MGMT: variants seen among roughly 807,000 people sequenced by gnomAD.
MGMT encodes O-6-methylguanine-DNA methyltransferase.
A neutral mutation model predicts 15.9 loss-of-function variants in MGMT; 14 were observed. The observed-to-expected ratio is 0.88, with a 90% CI of 0.58 to 1.37. MGMT has a LOEUF of 1.37. Among genes scored for constraint, MGMT ranks in the 40% most tolerant of loss-of-function variants. The pLI is 0.00. For synonymous variants in MGMT, 130 were observed against 118.2 expected (o/e 1.10, Z -0.65); for missense variants, 282 against 268.1 (o/e 1.05, Z -0.36).
intron 2 of MGMT, among the ~76,000 whole-genome samples, chr10:129,562,157 A>T (rs1401839412): frequency 6.6e-6 from 1 of 152,204 alleles, no homozygotes; most frequent in Non-Finnish European, 1.5e-5. Flanking sequence ...AAAAAATTAT[A>T]TACCATTCAT....
chr10:129,667,425 G>T (rs1322180865), intron 2 of MGMT, among the ~76,000 whole-genome samples: 1 of 152,062 alleles, frequency 6.6e-6, no homozygotes, highest in Non-Finnish European at 1.5e-5. Context: ...TTATGTTTGG[G>T]AGACGCACCC....
At chr10:129,654,144 C>A (rs1481798205) in intron 2 of MGMT, among the ~76,000 whole-genome samples, 1 of 152,180 alleles carries the variant, frequency 6.6e-6, no homozygotes, top group Non-Finnish European at 1.5e-5. Flanking sequence ...GCTGGAGTAG[C>A]TGTGCTGATA....
chr10:129,751,835 G>A (rs759014596), intron 3 of MGMT, among the ~76,000 whole-genome samples: 2 of 151,794 alleles, frequency 1.3e-5, no homozygotes, highest in African/African-American at 4.8e-5. Flanking sequence ...GGTTTTTGTC[G>A]ATTTCTAGTC....
At position 129,767,881 on chromosome 10, in the gene MGMT, G is replaced by C. The variant is rs1848957424; in HGVS notation, c.*884G>C. The C allele has an allele frequency of 6.6e-6, 1 of 152,332 alleles. No homozygotes were observed. The highest frequency in any genetic ancestry group is 2.4e-5 in the African/African-American group (1 of 41,470). The allele number at this position is 152,332 out of a possible 1,614,324, so 9.4% of individuals were successfully genotyped here. A position where few individuals can be genotyped will look rare whatever the true frequency, so the allele number is the denominator to read the frequency against. On this transcript the variant is annotated 3_prime_UTR_variant, in exon 5 of 5. Transcript: ENST00000651593. ...GGGGGGCCAGCTCATGTCACTGATGGCAGCAGGCAGGGTTTCCAGCATGGG... is the reference window on the plus strand; with the variant it reads ...GGGGGGCCAGCTCATGTCACTGATGCCAGCAGGCAGGGTTTCCAGCATGGG...
intron 1 of MGMT, among the ~76,000 whole-genome samples, chr10:129,491,833 C>T (rs562196623): frequency 1.1e-4 from 16 of 152,144 alleles, no homozygotes; most frequent in Non-Finnish European, 1.9e-4. Context: ...TTCTCTTTCC[C>T]ACTTATGTTG....
chr10:129,648,616 A>G (rs1847422432), intron 2 of MGMT, among the ~76,000 whole-genome samples: 1 of 152,246 alleles, frequency 6.6e-6, no homozygotes, highest in Non-Finnish European at 1.5e-5. Flanking sequence ...ATTGATTTCT[A>G]AAAGAAATGA....
chr10:129,516,204 C>T (rs1241747044), intron 1 of MGMT, among the ~76,000 whole-genome samples: 1 of 152,234 alleles, frequency 6.6e-6, no homozygotes, highest in Non-Finnish European at 1.5e-5. Context: ...CAGGCCCTTT[C>T]TGTCTTTGAT....
At chr10:129,548,055 G>T (rs1846116168) in intron 2 of MGMT, among the ~76,000 whole-genome samples, 1 of 152,236 alleles carries the variant, frequency 6.6e-6, no homozygotes, top group Non-Finnish European at 1.5e-5. Flanking sequence ...AGGGTGTTTA[G>T]ACAAGCTAAA....
chr10:129,472,056 A>G (rs1264797824), intron 1 of MGMT, among the ~76,000 whole-genome samples: 3 of 152,228 alleles, frequency 2.0e-5, no homozygotes, highest in Non-Finnish European at 4.4e-5. Context: ...AACCCGTATC[A>G]TATTTCACCC....
intron 2 of MGMT, among the ~76,000 whole-genome samples, chr10:129,688,377 G>A (rs1259903128): frequency 2.6e-5 from 4 of 152,110 alleles, no homozygotes; most frequent in African/African-American, 7.2e-5. Context: ...TTTAATGATC[G>A]CCATTCTAAC....
At chr10:129,756,711 G>T (rs953484630) in intron 3 of MGMT, among the ~76,000 whole-genome samples, 1 of 152,046 alleles carries the variant, frequency 6.6e-6, no homozygotes, top group African/African-American at 2.4e-5. Flanking sequence ...CTCGTGATCC[G>T]CCCGCCTCGG....
rs901284966 is a variant in MGMT, at chr10:129,736,274, G to C, written c.275-22928G>C. On this transcript the variant is annotated intron_variant, in intron 3 of 4. Transcript: ENST00000651593. ...ATTGGGTGCATATATATTTAGGATA[G>C]TTAGCTCTTCTTGTTGAATTGATCC... is the stretch of plus-strand genomic sequence containing the variant. Among the ~76,000 whole-genome samples the C allele has an allele frequency of 3.8e-4, 58 of 150,750 alleles. No homozygotes were observed. In the Middle Eastern group the frequency reaches 0.01, roughly 27 times the overall value.
chr10:129,646,031 T>C (rs183019993), intron 2 of MGMT, among the ~76,000 whole-genome samples: 61 of 152,282 alleles, frequency 4.0e-4, no homozygotes, highest in East Asian at 2.3e-3. Context: ...AGAATCTGCT[T>C]GGCACTTACT....
intron 2 of MGMT, among the ~76,000 whole-genome samples, chr10:129,666,485 T>G (rs1288891603): frequency 5.3e-5 from 8 of 152,196 alleles, no homozygotes; most frequent in Non-Finnish European, 1.5e-5. Context: ...GAACTCATAT[T>G]TTTTGCTAAG....
chr10:129,479,663 G>A (rs1441424305), intron 1 of MGMT, among the ~76,000 whole-genome samples: 1 of 152,078 alleles, frequency 6.6e-6, no homozygotes, highest in Non-Finnish European at 1.5e-5. Flanking sequence ...ATTTTCCTAC[G>A]AGGGCAGACA....
chr10:129,530,179 G>A (rs139595486), intron 1 of MGMT, among the ~76,000 whole-genome samples: 1 of 150,858 alleles, frequency 6.6e-6, no homozygotes, highest in East Asian at 1.9e-4. Context: ...CTGGGATTAC[G>A]GGTGTGAGCC....
At chr10:129,584,690 C>T (rs943360437) in intron 2 of MGMT, among the ~76,000 whole-genome samples, 1 of 152,160 alleles carries the variant, frequency 6.6e-6, no homozygotes, top group African/African-American at 2.4e-5. Flanking sequence ...CTGTCTGTGT[C>T]TGTGGTTTTC....
rs10606297 is a variant in MGMT, at chr10:129,645,118, C to CTTTTTT, written c.126-62763_126-62758dup. On this transcript the variant is annotated intron_variant, in intron 2 of 4. Coordinates refer to ENST00000651593, the MANE Select transcript of MGMT (RefSeq NM_002412.5). ...ATGTACTAAATCAAGCCTGAAAGCC[C>CTTTTTT]TTTTTTTTTTTTTTTTTTTGAGATG... Among the ~76,000 whole-genome samples the CTTTTTT allele has an allele frequency of 4.2e-4, 51 of 121,936 alleles. 1 individual carries two copies. Among genetic ancestry groups the CTTTTTT allele is most frequent in the Middle Eastern group, 4.5e-3 (1 of 220 alleles). The allele number at this position is 121,936 out of a possible 152,430, so 80.0% of individuals were successfully genotyped here.
rs1047965843 is a variant in MGMT, at chr10:129,767,989, C to A, written c.*992C>A. The A allele has an allele frequency of 1.3e-5, 2 of 152,238 alleles. No homozygotes were observed. The highest frequency in any genetic ancestry group is 4.8e-5 in the African/African-American group (2 of 41,458). The allele number at this position is 152,238 out of a possible 1,614,324, so 9.4% of individuals were successfully genotyped here. On this transcript the variant is annotated 3_prime_UTR_variant, in exon 5 of 5. Transcript: ENST00000651593. Reference sequence around the variant, plus strand: ...CTATATCCAAAAGCCGGAAGGGAAACCTGTAGCTCTGCATATGGAGAAATA... The same window carrying A: ...CTATATCCAAAAGCCGGAAGGGAAAACTGTAGCTCTGCATATGGAGAAATA...
Sources: allele counts gnomAD v4.1 joint callset (sites outside exome capture counted in the v4.1 genomes callset), GRCh38; gene constraint gnomAD v4.1.1; transcripts MANE v1.5; gene names NCBI Gene and HGNC (gene_info 2026-07-23, HGNC 2026-07-21).